Variants in SLC1A2 observed in about 807,000 individuals in gnomAD.
SLC1A2 encodes the protein excitatory amino acid transporter 2.
A neutral mutation model predicts 48.8 loss-of-function variants in SLC1A2; 15 were observed. The observed-to-expected ratio is 0.31, with a 90% CI of 0.21 to 0.47. SLC1A2 has a LOEUF of 0.47. Among genes scored for constraint, SLC1A2 ranks in the 20% least tolerant of loss-of-function variants. SLC1A2 has a pLI of 0.99. For synonymous variants in SLC1A2, 279 were observed against 272.6 expected (o/e 1.02, Z -0.23); for missense variants, 502 against 730.5 (o/e 0.69, Z 3.61).
intron 1 of SLC1A2, among the ~76,000 whole-genome samples, chr11:35,350,636 C>T (rs1853216594): frequency 6.6e-6 from 1 of 152,214 alleles, no homozygotes; most frequent in Non-Finnish European, 1.5e-5. Flanking sequence ...CGTAAAGACA[C>T]AGCAAGATAA....
intron 9 of SLC1A2, among the ~76,000 whole-genome samples, chr11:35,270,858 A>G (rs1850262460): frequency 6.6e-6 from 1 of 152,258 alleles, no homozygotes; most frequent in African/African-American, 2.4e-5. Flanking sequence ...GCAGAAAGTA[A>G]GAATTAACCA....
At chr11:35,395,713 A>C (rs967615825) in intron 1 of SLC1A2, among the ~76,000 whole-genome samples, 1 of 147,936 alleles carries the variant, frequency 6.8e-6, no homozygotes, top group African/African-American at 2.5e-5. Flanking sequence ...TTTAGGGTAC[A>C]TGTGCACATT....
At chr11:35,418,714 CCCTTTTTATCAAA>C (rs1457350510) in intron 1 of SLC1A2, 2 of 556,386 alleles carry the variant, frequency 3.6e-6, no homozygotes, top group African/African-American at 3.9e-5. Flanking sequence ...GCGCACCTTA[CCCTTTTTATCAAA>C]ATAAAACAAC....
At position 35,260,188 on chromosome 11, in the gene SLC1A2, GAAT is replaced by G. The variant is rs1366960965; in HGVS notation, c.*703_*705del. The G allele has an allele frequency of 1.3e-5, 2 of 152,182 alleles. No individual in the cohort carries two copies. The highest frequency in any genetic ancestry group is 2.9e-5 in the Non-Finnish European group (2 of 68,034). 9.4% of individuals were successfully genotyped at this position (152,182 alleles called of 1,614,324 possible). A position where few individuals can be genotyped will look rare whatever the true frequency, so the allele number is the denominator to read the frequency against. On this transcript the variant is annotated 3_prime_UTR_variant, in exon 11 of 11. Transcript: ENST00000278379. ...CCTAATCAATTATCAAATTTAGAAAGAATAATGAAACATACTTTGAAATTTCAA... is the reference window on the plus strand; with the variant it reads ...CCTAATCAATTATCAAATTTAGAAAGAATGAAACATACTTTGAAATTTCAA...
In SLC1A2 at chr11:35,315,188, G is replaced by C; in HGVS notation, c.158-13C>G. On this transcript the variant is annotated splice_polypyrimidine_tract_variant and intron_variant, in intron 2 of 10. Coordinates refer to ENST00000278379, the MANE Select transcript of SLC1A2 (RefSeq NM_004171.4). ...CCCAGGATGACACCTAAAAGGAAGG[G>C]GAAAACAATATGAATTTATTTTTTG... 1.2e-6 allele frequency: 2 copies of C among 1,609,916 alleles called. No individual in the cohort carries two copies. Among genetic ancestry groups the C allele is most frequent in the Non-Finnish European group, 1.7e-6 (2 of 1,177,022 alleles).
chr11:35,286,981 G>T (rs754657033), intron 7 of SLC1A2, 30 bp from the exon 8 acceptor site: 17 of 1,575,662 alleles, frequency 1.1e-5, no homozygotes, highest in Non-Finnish European at 1.4e-5. Flanking sequence ...GAGAGACAGG[G>T]TTATGTCCAC....
intron 1 of SLC1A2, chr11:35,352,233 A>G (rs1853286265): frequency 6.6e-6 from 1 of 152,216 alleles, no homozygotes; most frequent in African/African-American, 2.4e-5. Context: ...TTTGCTACTT[A>G]CATACCATGC....
Position 35,260,817 on chromosome 11 carries a change from A to T in SLC1A2, c.*77T>A. On this transcript the variant is annotated 3_prime_UTR_variant, in exon 11 of 11. Coordinates refer to ENST00000278379, the MANE Select transcript of SLC1A2 (RefSeq NM_004171.4). ...ATATACGCATTTTTTTCCTTTTTAA[A>T]GAAAGCTTGTTTATATCATCAGTTA... 9.1e-7 allele frequency: 1 copy of T among 1,095,306 alleles called. No homozygotes were observed. The highest frequency in any genetic ancestry group is 1.8e-5 in the Admixed American group (1 of 56,308). The allele number at this position is 1,095,306 out of a possible 1,614,324, so 67.8% of individuals were successfully genotyped here. A position where few individuals can be genotyped will look rare whatever the true frequency, so the allele number is the denominator to read the frequency against.
intron 9 of SLC1A2, among the ~76,000 whole-genome samples, chr11:35,277,335 C>T (rs985210710): frequency 6.6e-6 from 1 of 152,268 alleles, no homozygotes; most frequent in East Asian, 1.9e-4. Flanking sequence ...CCTGACCTGG[C>T]CATACAAGCT....
rs1299304379 is a variant in SLC1A2, at chr11:35,328,573, C to T, written c.18-11057G>A. Among the ~76,000 whole-genome samples, 5 of 152,178 alleles carry T rather than the reference C, an allele frequency of 3.3e-5. No individual in the cohort carries two copies. The South Asian group carries it at 1.0e-3, about 32-fold the overall frequency. On this transcript the variant is annotated intron_variant, in intron 1 of 10. Coordinates refer to ENST00000278379, the MANE Select transcript of SLC1A2 (RefSeq NM_004171.4). ...TGGATGGTAGAGCTAGGATTTGATC[C>T]CTGTCAGTCCTGGACTTGGAAAAAC...
At chr11:35,412,059 A>G (rs1855480102) in intron 1 of SLC1A2, among the ~76,000 whole-genome samples, 1 of 151,852 alleles carries the variant, frequency 6.6e-6, no homozygotes, top group Non-Finnish European at 1.5e-5. Flanking sequence ...AAAAAACAAA[A>G]CAAAAATAAA....
chr11:35,296,090 G>A (rs1394032085), intron 6 of SLC1A2, among the ~76,000 whole-genome samples: 5 of 152,198 alleles, frequency 3.3e-5, no homozygotes, highest in South Asian at 2.1e-4. Context: ...CTGATGAAAC[G>A]CAGATATTAC....
Position 35,419,042 on chromosome 11 carries a change from G to A in SLC1A2, c.-76C>T, listed in dbSNP as rs1176375555. 26 of 1,344,298 alleles carry A rather than the reference G, an allele frequency of 1.9e-5. No individual in the cohort carries two copies. Among genetic ancestry groups the A allele is most frequent in the Non-Finnish European group, 2.6e-5 (25 of 967,868 alleles). 83.3% of individuals were successfully genotyped at this position (1,344,298 alleles called of 1,614,324 possible). The stretch of plus-strand genomic sequence containing the variant: ...AGGGAGAAAGCGGACGCCGGGGTGA[G>A]CGCGAAGTGCGGCCGGGAGCGGTAT... On this transcript the variant is annotated 5_prime_UTR_variant, in exon 1 of 11. Transcript: ENST00000278379. The surrounding 1 kb of genome is among the most constrained non-coding windows in gnomAD (Gnocchi z 5.4).
chr11:35,412,394 G>A (rs2009806098), intron 1 of SLC1A2, among the ~76,000 whole-genome samples: 1 of 152,176 alleles, frequency 6.6e-6, no homozygotes, highest in South Asian at 2.1e-4. Flanking sequence ...GGTGGAGAAA[G>A]CTTTTATAAT....
chr11:35,379,901 A>C (rs1278171288), intron 1 of SLC1A2, among the ~76,000 whole-genome samples: 1 of 152,202 alleles, frequency 6.6e-6, no homozygotes, highest in Non-Finnish European at 1.5e-5. Flanking sequence ...TGGCCATTTT[A>C]AATTCTCCTT....
intron 1 of SLC1A2, among the ~76,000 whole-genome samples, chr11:35,401,018 C>T (rs1296483787): frequency 6.6e-6 from 1 of 152,128 alleles, no homozygotes; most frequent in East Asian, 1.9e-4. Flanking sequence ...GGCGGGGCTT[C>T]TATGTGATAG....
rs533125273 is a variant in SLC1A2 at position 35,387,723 on chromosome 11, C to T, written c.17+31227G>A. On this transcript the variant is annotated intron_variant, in intron 1 of 10. Transcript: ENST00000278379. ...GGAAACAATATCTTAAAAATGCAGTCGGTAAGCCATTAAGCATCAGGACCT... is the reference window on the plus strand; with the variant it reads ...GGAAACAATATCTTAAAAATGCAGTTGGTAAGCCATTAAGCATCAGGACCT... Among the ~76,000 whole-genome samples the T allele has an allele frequency of 1.1e-4, 16 of 151,996 alleles. No individual in the cohort carries two copies. In the South Asian group the frequency reaches 1.2e-3, roughly 12 times the overall value.
intron 1 of SLC1A2, among the ~76,000 whole-genome samples, chr11:35,383,217 C>T (rs1306002538): frequency 6.6e-6 from 1 of 152,152 alleles, no homozygotes; most frequent in Non-Finnish European, 1.5e-5. Context: ...CCTGAAAATA[C>T]TATGTTAGTT....
intron 1 of SLC1A2, chr11:35,418,374 C>G (rs1441227090): frequency 6.6e-6 from 1 of 152,518 alleles, no homozygotes; most frequent in Non-Finnish European, 1.5e-5. Flanking sequence ...CCGGGAAGCA[C>G]CCAAATCTCT....
Sources: allele counts gnomAD v4.1 joint callset (sites outside exome capture counted in the v4.1 genomes callset), GRCh38; gene constraint gnomAD v4.1.1; non-coding constraint Gnocchi (gnomAD v3.1); transcripts MANE v1.5; gene names NCBI Gene and HGNC (gene_info 2026-07-23, HGNC 2026-07-21).